Variants in FYB2 observed in about 807,000 individuals in gnomAD.
FYB2 encodes FYN-binding protein 2.
A neutral mutation model predicts 94.1 loss-of-function variants in FYB2; 103 were observed. That is an observed-to-expected ratio of 1.09 (90% CI 0.93 to 1.29). FYB2 has a LOEUF of 1.29. FYB2 is among the 50% of genes most tolerant of loss of function. FYB2 has a pLI of 0.00. For missense variants in FYB2, 896 were observed against 841.5 expected (o/e 1.06, Z -0.80); for synonymous variants, 293 against 287.9 (o/e 1.02, Z -0.18).
intron 1 of FYB2, among the ~76,000 whole-genome samples, chr1:56,803,577 A>T (rs750337741): frequency 2.6e-5 from 4 of 152,220 alleles, no homozygotes; most frequent in African/African-American, 9.7e-5. Context: ...TGTTGCAGGG[A>T]TCTGATGGCT....
chr1:56,753,830 C>A lies in FYB2; in HGVS notation c.1227+9G>T. Reference sequence around the variant, plus strand: ...TGTCTAAACTGCAGGAACCGTAGAACATAGGTACCTTGAAAACATGGTTTG... The same window carrying A: ...TGTCTAAACTGCAGGAACCGTAGAAAATAGGTACCTTGAAAACATGGTTTG... On this transcript the variant is annotated intron_variant, in intron 8 of 19. Coordinates refer to ENST00000343433, the MANE Select transcript of FYB2 (RefSeq NM_001004303.5). 1 of 1,582,658 alleles carries A rather than the reference C, an allele frequency of 6.3e-7. No individual in the cohort carries two copies. Among genetic ancestry groups the A allele is most frequent in the Non-Finnish European group, 8.7e-7 (1 of 1,151,998 alleles).
intron 1 of FYB2, among the ~76,000 whole-genome samples, chr1:56,793,084 T>A (rs1050077066): frequency 2.6e-5 from 4 of 152,242 alleles, no homozygotes; most frequent in African/African-American, 9.6e-5. Flanking sequence ...AACACCTATA[T>A]ACAGTACTAA....
At chr1:56,749,541 A>C (rs1467828405) in intron 9 of FYB2, among the ~76,000 whole-genome samples, 1 of 151,960 alleles carries the variant, frequency 6.6e-6, no homozygotes, top group Admixed American at 6.6e-5. Context: ...TCCTTTTCAA[A>C]TATTTTTAAA....
At chr1:56,753,298 A>G (rs905149898) in intron 8 of FYB2, among the ~76,000 whole-genome samples, 23 of 152,092 alleles carry the variant, frequency 1.5e-4, no homozygotes, top group African/African-American at 5.5e-4. Context: ...ACCATATTTA[A>G]TATTAATGAA....
Position 56,793,855 on chromosome 1 carries a change from A to G in FYB2, c.10-1052T>C, listed in dbSNP as rs183744431. ...TATCTTGGCTGTTGAACTTAATGCT[A>G]TGGTATGGAGAAAAGAACAAACTTT... is the stretch of plus-strand genomic sequence containing the variant. On this transcript the variant is annotated intron_variant, in intron 1 of 19. Transcript: ENST00000343433. 3.4e-4 allele frequency among the ~76,000 whole-genome samples: 51 copies of G among 151,490 alleles called. No homozygotes were observed. The East Asian group carries it at 7.8e-3, about 23-fold the overall frequency.
In FYB2 at chr1:56,744,197, A is replaced by G. The variant is rs750715843; in HGVS notation, c.1457T>C (p.Ile486Thr). 6.2e-7 allele frequency: 1 copy of G among 1,612,718 alleles called. No individual in the cohort carries two copies. The highest frequency in any genetic ancestry group is 2.2e-5 in the East Asian group (1 of 44,804). Residue 486 changes from isoleucine to threonine, a missense_variant, in exon 10 of 20, where the codon ATC becomes ACC. Coordinates refer to ENST00000343433, the MANE Select transcript of FYB2 (RefSeq NM_001004303.5). ...PDLGVSKTSS[I>T]SEEIYDDVEY... ...GACATCATCATATATCTCCTCCGAG[A>G]TGGAACTTGTCTTAGAGACCCCTAG...
intron 15 of FYB2, chr1:56,731,891 C>T (rs752818919): frequency 6.6e-6 from 1 of 152,084 alleles, no homozygotes; most frequent in Non-Finnish European, 1.5e-5. Flanking sequence ...TAACATCTTA[C>T]CTAACAGGGA....
At chr1:56,725,845 CTATT>C (rs1427841230) in intron 16 of FYB2, among the ~76,000 whole-genome samples, 1 of 151,980 alleles carries the variant, frequency 6.6e-6, no homozygotes, top group African/African-American at 2.4e-5. Context: ...ATGTCAGTGA[CTATT>C]TAAGCAAATA....
At chr1:56,807,852 A>T (rs1646681543) in intron 1 of FYB2, among the ~76,000 whole-genome samples, 1 of 152,216 alleles carries the variant, frequency 6.6e-6, no homozygotes, top group Admixed American at 6.5e-5. Context: ...AGATGATTTT[A>T]ACTTTCATTC....
chr1:56,729,588 A>C (rs1237705497), intron 15 of FYB2, among the ~76,000 whole-genome samples: 1 of 152,112 alleles, frequency 6.6e-6, no homozygotes, highest in African/African-American at 2.4e-5. Context: ...AGACTTCAAC[A>C]TCCAACTCTA....
rs186020651 is a variant in FYB2 at position 56,806,622 on chromosome 1, C to A, written c.9+12660G>T. Among the ~76,000 whole-genome samples the A allele has an allele frequency of 5.6e-4, 86 of 152,238 alleles. 1 individual carries two copies. In the East Asian group the frequency reaches 0.011, roughly 20 times the overall value. ...TGAATATCAAAATGATATTTTGCAACCTTCAAATCCCCTCACTCAAGGCAC... is the reference window on the plus strand; with the variant it reads ...TGAATATCAAAATGATATTTTGCAAACTTCAAATCCCCTCACTCAAGGCAC... On this transcript the variant is annotated intron_variant, in intron 1 of 19. Transcript: ENST00000343433.
rs1410308588 is a variant in FYB2, at chr1:56,792,221, T to A, written c.592A>T (p.Lys198Ter). The change falls in exon 2 of 20, where the codon AAG becomes TAG. Residue 198 changes from lysine (K) to a stop codon, truncating the protein, a stop_gained. Coordinates refer to ENST00000343433, the MANE Select transcript of FYB2 (RefSeq NM_001004303.5). LOFTEE classifies it high-confidence loss of function. ...TKGAQTLPSQ[K>*]HVVAPKILHN... The stretch of plus-strand genomic sequence containing the variant: ...AATATTTTGGGGGCCACCACGTGCT[T>A]CTGGGAAGGAAGAGTCTGGGCTCCT... 3 of 1,613,738 alleles carry A rather than the reference T, an allele frequency of 1.9e-6. No individual in the cohort carries two copies. The highest frequency in any genetic ancestry group is 2.5e-6 in the Non-Finnish European group (3 of 1,179,926).
rs757401849 is a variant in FYB2 at position 56,740,755 on chromosome 1, A to G, written c.1645T>C (p.Phe549Leu). The change falls in exon 13 of 20, where the codon TTC becomes CTC. Residue 549 changes from phenylalanine (F) to leucine (L), a missense_variant. Transcript: ENST00000343433. Reference sequence around the variant, plus strand: ...TTAAATCTATCCTTTTCTTTCTTGAAGAATTGCTGCAGTCTTTTGAGTGCT... The same window carrying G: ...TTAAATCTATCCTTTTCTTTCTTGAGGAATTGCTGCAGTCTTTTGAGTGCT... ...KEALKRLQQFFKKEKDRFKIK... is the reference protein window; with the variant it reads ...KEALKRLQQFLKKEKDRFKIK... 6.2e-7 allele frequency: 1 copy of G among 1,608,462 alleles called. No individual in the cohort carries two copies. Among genetic ancestry groups the G allele is most frequent in the Non-Finnish European group, 8.5e-7 (1 of 1,177,050 alleles).
Position 56,805,365 on chromosome 1 carries a change from G to C in FYB2, c.10-12562C>G, listed in dbSNP as rs767419414. Among the ~76,000 whole-genome samples the C allele has an allele frequency of 3.3e-4, 50 of 152,236 alleles. 2 individuals carry two copies. Among genetic ancestry groups the C allele is most frequent in the Admixed American group, 1.5e-3 (23 of 15,288 alleles). Reference sequence around the variant, plus strand: ...GGGTAGGGTAACTGGGGAAAAATTGGGAGTAATTCTTGATAAAAGAAAATG... The same window carrying C: ...GGGTAGGGTAACTGGGGAAAAATTGCGAGTAATTCTTGATAAAAGAAAATG... On this transcript the variant is annotated intron_variant, in intron 1 of 19. Transcript: ENST00000343433.
intron 7 of FYB2, among the ~76,000 whole-genome samples, chr1:56,755,116 C>A (rs1334611247): frequency 6.6e-6 from 1 of 152,076 alleles, no homozygotes; most frequent in Non-Finnish European, 1.5e-5. Context: ...GGGCTAGAAA[C>A]AGACTCTGAA....
chr1:56,757,120 A>G (rs776633147), intron 6 of FYB2, among the ~76,000 whole-genome samples: 10 of 152,180 alleles, frequency 6.6e-5, no homozygotes, highest in Non-Finnish European at 1.3e-4. Context: ...AGATTTAAAA[A>G]TTAAAAATAA....
At chr1:56,775,180 C>A (rs1645847455) in intron 4 of FYB2, among the ~76,000 whole-genome samples, 2 of 152,086 alleles carry the variant, frequency 1.3e-5, no homozygotes, top group African/African-American at 2.4e-5. Context: ...TTCTAGAGAA[C>A]CCTGACTAAT....
In FYB2 at chr1:56,792,089, T is replaced by A. The variant is rs1646280587; in HGVS notation, c.724A>T (p.Ile242Phe). ...RSPASSPCQP[I>F]YECELASQAP... ...TGACTGGCAAGCTCACACTCATAGA[T>A]GGGCTGGCAGGGGCTGCTTGCCGGG... is the stretch of plus-strand genomic sequence containing the variant. Residue 242 changes from isoleucine to phenylalanine, a missense_variant, in exon 2 of 20, where the codon ATC (isoleucine) becomes TTC (phenylalanine). By Grantham distance (21) the Ile-to-Phe change is conservative (BLOSUM62 0). Transcript: ENST00000343433. 6.2e-7 allele frequency: 1 copy of A among 1,606,076 alleles called. No individual in the cohort carries two copies. The highest frequency in any genetic ancestry group is 2.2e-5 in the East Asian group (1 of 44,866).
chr1:56,820,742 A>T (rs1400975046), upstream of FYB2, among the ~76,000 whole-genome samples: 1 of 152,242 alleles, frequency 6.6e-6, no homozygotes, highest in Non-Finnish European at 1.5e-5. Flanking sequence ...TGGGTTTTAT[A>T]AAAGCCTTTG....
Sources: gnomAD v4.1 joint callset for allele counts (sites outside exome capture counted in the v4.1 genomes callset) on GRCh38, gnomAD v4.1.1 for gene constraint, MANE v1.5 for transcripts, NCBI Gene and HGNC (gene_info 2026-07-23, HGNC 2026-07-21) for gene names.